Variants in RNF213 observed in about 807,000 individuals in gnomAD.
RNF213 encodes the protein E3 ubiquitin-protein ligase RNF213.
A neutral mutation model predicts 514.4 loss-of-function variants in RNF213; 341 were observed. The observed-to-expected ratio is 0.66, with a 90% CI of 0.61 to 0.73. The LOEUF (loss-of-function observed/expected upper bound fraction) is 0.73. RNF213 is among the 30% of genes least tolerant of loss of function. The pLI is 0.00. For synonymous variants in RNF213, 2,655 were observed against 2,658.2 expected (o/e 1.00, Z 0.04); for missense variants, 5,767 against 6,615.6 (o/e 0.87, Z 4.45).
rs368266183 is a variant in RNF213, at chr17:80,339,482, G to A, written c.5115G>A (p.Thr1705=). 2.9e-5 allele frequency: 45 copies of A among 1,537,204 alleles called. No homozygotes were observed. The highest frequency in any genetic ancestry group is 2.3e-4 in the African/African-American group (17 of 73,156). ...RMEHFYLNFY[T]AEQLVYLSTE... The stretch of plus-strand genomic sequence containing the variant: ...AGCACTTTTACCTGAACTTCTACAC[G>A]GCAGAGCAGCTGGTTTACCTGAGCA... Residue 1705 remains threonine, a synonymous_variant, in exon 26 of 68, where the codon ACG becomes ACA. Transcript: ENST00000582970.
chr17:80,376,119 G>A (rs138353197), intron 51 of RNF213, among the ~76,000 whole-genome samples, 182 bp from the exon 52 acceptor site: 3 of 152,268 alleles, frequency 2.0e-5, no homozygotes, highest in East Asian at 3.9e-4. Context: ...TAATGCTTAC[G>A]TATGTGGATG....
rs1382685812 is a variant in RNF213 at position 80,331,986 on chromosome 17, C to T, written c.3518-20C>T. The T allele has an allele frequency of 5.2e-6, 8 of 1,524,932 alleles. No homozygotes were observed. The Admixed American group carries it at 1.6e-4, about 30-fold the overall frequency. 94.5% of individuals were successfully genotyped at this position (1,524,932 alleles called of 1,614,324 possible). ...ATGATTAGAGCTTTGACTTCTGACA[C>T]TTTCTTTTCGCTTCTAAAGTGGACT... On this transcript the variant is annotated intron_variant, in intron 20 of 67. Transcript: ENST00000582970.
At chr17:80,363,848 G>A (rs750408814) in intron 41 of RNF213, 58 bp downstream of exon 41, 5 of 1,530,934 alleles carry the variant, frequency 3.3e-6, no homozygotes, top group Non-Finnish European at 4.5e-6. Context: ...CCAGGAGCCT[G>A]CCAAGTGCCA....
intron 17 of RNF213, among the ~76,000 whole-genome samples, chr17:80,323,903 C>CT (rs2046211851): frequency 6.6e-6 from 1 of 151,078 alleles, no homozygotes; most frequent in East Asian, 1.9e-4. Context: ...TTGCTGGTGT[C>CT]TAGACACACA....
At chr17:80,289,930 C>T in intron 6 of RNF213, 93 bp downstream of exon 6, 1 of 1,357,626 alleles carries the variant, frequency 7.4e-7, no homozygotes, top group East Asian at 2.5e-5. Context: ...ATCCAGGCTG[C>T]CCTTCTAGTC....
At chr17:80,387,416 G>A (rs961587487) in intron 63 of RNF213, among the ~76,000 whole-genome samples, 1 of 152,192 alleles carries the variant, frequency 6.6e-6, no homozygotes, top group African/African-American at 2.4e-5. Flanking sequence ...GATTGTTGAG[G>A]TCTTGATTCT....
Position 80,344,992 on chromosome 17 carries a change from T to C in RNF213, c.6657T>C (p.Ala2219=). The part of the protein sequence containing the change: ...NPSWSELRNF[A]RFLNYQLRDC... Reference sequence around the variant, plus strand: ...CCTGGTCAGAGCTTCGGAACTTTGCTCGGTTCCTGAATTATCAGCTCAGAG... The same window carrying C: ...CCTGGTCAGAGCTTCGGAACTTTGCCCGGTTCCTGAATTATCAGCTCAGAG... Residue 2219 remains alanine, a synonymous_variant, in exon 29 of 68, where the codon GCT becomes GCC. Coordinates refer to ENST00000582970, the MANE Select transcript of RNF213 (RefSeq NM_001256071.3). 1.2e-6 allele frequency: 2 copies of C among 1,614,138 alleles called. No homozygotes were observed. Among genetic ancestry groups the C allele is most frequent in the Non-Finnish European group, 1.7e-6 (2 of 1,180,026 alleles).
At chr17:80,376,230 CAG>C in intron 51 of RNF213, 69 bp from the exon 52 acceptor site, 1 of 1,534,418 alleles carries the variant, frequency 6.5e-7, no homozygotes, top group Non-Finnish European at 9.0e-7. Flanking sequence ...TATTTGGTGT[CAG>C]TGTATGTCTA....
At chr17:80,340,609 G>GTTTTTTTTTTTT (rs747785477) in intron 26 of RNF213, 1 of 121,938 alleles carries the variant, frequency 8.2e-6, no homozygotes, top group African/African-American at 6.2e-5. Context: ...GTACTTTGTG[G>GTTTTTTTTTTTT]TTTTTTTTTT....
chr17:80,300,583 T>C (rs1414285523), intron 11 of RNF213, among the ~76,000 whole-genome samples: 3 of 151,638 alleles, frequency 2.0e-5, no homozygotes, highest in Non-Finnish European at 4.4e-5. Flanking sequence ...AGATGGAGTT[T>C]CGCTTTATCA....
At chr17:80,319,847 C>A in intron 17 of RNF213, 1 of 1,177,114 alleles carries the variant, frequency 8.5e-7, no homozygotes, top group Non-Finnish European at 1.1e-6. Context: ...GCCACGGCTG[C>A]CCTGCTCACA....
At position 80,325,146 on chromosome 17, in the gene RNF213, T is replaced by G. The variant is rs1430402033; in HGVS notation, c.3141T>G (p.Ile1047Met). 1.3e-6 allele frequency: 2 copies of G among 1,537,018 alleles called. No individual in the cohort carries two copies. Among genetic ancestry groups the G allele is most frequent in the Non-Finnish European group, 1.7e-6 (2 of 1,146,788 alleles). ...GGACCGCGGACAACTTCGATGACAT[T>G]TTAAAGCATCTGCTCACGTTGGCAG... is the stretch of plus-strand genomic sequence containing the variant. ...WPRTADNFDD[I>M]LKHLLTLADV... is the part of the protein sequence containing the mutation. Residue 1047 changes from isoleucine (I) to methionine (M), a missense_variant, in exon 18 of 68, where the codon ATT becomes ATG. Ile to Met is a conservative substitution (Grantham distance 10). Coordinates refer to ENST00000582970, the MANE Select transcript of RNF213 (RefSeq NM_001256071.3).
chr17:80,322,392 C>G (rs576729785), intron 17 of RNF213, among the ~76,000 whole-genome samples: 1 of 151,828 alleles, frequency 6.6e-6, no homozygotes, highest in Non-Finnish European at 1.5e-5. Flanking sequence ...CTGGCTAACA[C>G]GGTGACACCC....
Position 80,393,677 on chromosome 17 carries a change from G to C in RNF213, c.*179G>C. The C allele has an allele frequency of 1.6e-6, 1 of 620,200 alleles. No homozygotes were observed. The highest frequency in any genetic ancestry group is 2.8e-6 in the Non-Finnish European group (1 of 353,168). The allele number at this position is 620,200 out of a possible 1,614,324, so 38.4% of individuals were successfully genotyped here. A position where few individuals can be genotyped will look rare whatever the true frequency, so the allele number is the denominator to read the frequency against. ...CTGACAGCTTTTTGAAAGCCGAGCT[G>C]TTTCTGAACCATGTACATACATGTT... is the stretch of plus-strand genomic sequence containing the variant. On this transcript the variant is annotated 3_prime_UTR_variant, in exon 68 of 68. Coordinates refer to ENST00000582970, the MANE Select transcript of RNF213 (RefSeq NM_001256071.3).
chr17:80,380,310 C>A (rs561031555), intron 55 of RNF213, among the ~76,000 whole-genome samples: 3 of 152,218 alleles, frequency 2.0e-5, no homozygotes, highest in Non-Finnish European at 4.4e-5. Flanking sequence ...CCTGCAGTCA[C>A]AGCTTAAAAT....
chr17:80,311,795 A>G (rs968165321), intron 14 of RNF213, among the ~76,000 whole-genome samples: 1 of 151,942 alleles, frequency 6.6e-6, no homozygotes, highest in Non-Finnish European at 1.5e-5. Context: ...GTGGCTCCTG[A>G]CACTTGCACG....
chr17:80,329,091 C>T (rs1361262060), intron 20 of RNF213, among the ~76,000 whole-genome samples: 1 of 152,230 alleles, frequency 6.6e-6, no homozygotes, highest in Admixed American at 6.5e-5. Context: ...CCTGCCAACC[C>T]TGGGCTGCAG....
At chr17:80,364,705 C>A (rs755127697) in intron 42 of RNF213, 152 bp downstream of exon 42, 10 of 843,928 alleles carry the variant, frequency 1.2e-5, no homozygotes, top group African/African-American at 1.7e-5. Flanking sequence ...ATCACTAGGC[C>A]ATTACATTTT....
At chr17:80,268,252 G>C (rs2043675209) in intron 2 of RNF213, among the ~76,000 whole-genome samples, 1 of 151,452 alleles carries the variant, frequency 6.6e-6, no homozygotes, top group African/African-American at 2.4e-5. Context: ...GTGAGCATGG[G>C]TGTGCATGGC....
Sources: gnomAD v4.1 joint callset for allele counts (sites outside exome capture counted in the v4.1 genomes callset) on GRCh38, gnomAD v4.1.1 for gene constraint, MANE v1.5 for transcripts, NCBI Gene and HGNC (gene_info 2026-07-23, HGNC 2026-07-21) for gene names.